The following ARHGEF12 variants were observed in gnomAD, a reference collection of about 807,000 sequenced individuals.
ARHGEF12 encodes the protein KMT2A/ARHGEF12 fusion protein.
ARHGEF12 carries 66 observed loss-of-function variants against 211.2 expected under a neutral mutation model. That is an observed-to-expected ratio of 0.31 (90% confidence interval 0.26 to 0.38). The LOEUF (loss-of-function observed/expected upper bound fraction) is 0.38, where lower values mean the gene tolerates loss of function less well. Ranked by LOEUF, ARHGEF12 falls within the 10% of genes least tolerant of loss-of-function variation. ARHGEF12 has a pLI of 1.00. For synonymous variants in ARHGEF12, 592 were observed against 638.4 expected (o/e 0.93, Z 1.09); for missense variants, 1,429 against 1,869.5 (o/e 0.76, Z 4.34).
At chr11:120,337,892 A>G (rs1942405317) in intron 1 of ARHGEF12, 1 of 985,286 alleles carries the variant, frequency 1.0e-6, no homozygotes, top group Admixed American at 6.1e-5. Flanking sequence ...GTTTGCTTTT[A>G]ATTCTTGTAT....
At position 120,485,273 on chromosome 11, in the gene ARHGEF12, T is replaced by TTA; in HGVS notation, c.*196_*197insTA. The TTA allele has an allele frequency of 1.8e-6, 1 of 570,442 alleles. No individual in the cohort carries two copies. Among genetic ancestry groups the TTA allele is most frequent in the Non-Finnish European group, 3.1e-6 (1 of 319,262 alleles). The allele number at this position is 570,442 out of a possible 1,614,324, so 35.3% of individuals were successfully genotyped here. ...AGTGTGGCAGCTGCACTAATCTGTTTGTGAGGGAATATCCATTCCCTCACT... is the reference window on the plus strand; with the variant it reads ...AGTGTGGCAGCTGCACTAATCTGTTTTAGTGAGGGAATATCCATTCCCTCACT... On this transcript the variant is annotated 3_prime_UTR_variant, in exon 41 of 41. Coordinates refer to ENST00000397843, the MANE Select transcript of ARHGEF12 (RefSeq NM_015313.3).
chr11:120,472,564 G>A (rs1436171274), intron 30 of ARHGEF12, among the ~76,000 whole-genome samples: 2 of 152,154 alleles, frequency 1.3e-5, no homozygotes, highest in African/African-American at 4.8e-5. Context: ...CAAAGAGGCA[G>A]GAGGAAAACT....
intron 1 of ARHGEF12, among the ~76,000 whole-genome samples, chr11:120,377,906 A>G (rs1943774975): frequency 6.6e-6 from 1 of 152,020 alleles, no homozygotes; most frequent in Non-Finnish European, 1.5e-5. Flanking sequence ...GTCATATGGT[A>G]AATATATATT....
Position 120,457,232 on chromosome 11 carries a change from A to G in ARHGEF12, c.2171A>G (p.Glu724Gly), listed in dbSNP as rs905751177. Reference protein sequence around the residue: ...PPPPLDQVQEEECEVERVTEH... With the variant: ...PPPPLDQVQEGECEVERVTEH... Reference sequence around the variant, plus strand: ...CCTCCATTAGACCAAGTGCAGGAGGAGGAATGTGAAGTAGAAAGGTAATTC... The same window carrying G: ...CCTCCATTAGACCAAGTGCAGGAGGGGGAATGTGAAGTAGAAAGGTAATTC... Residue 724 changes from glutamate to glycine, a missense_variant, in exon 23 of 41, where the codon GAG becomes GGG. This residue lies in a region of ARHGEF12 where 373 missense variants were observed against 467.5 expected (regional missense o/e 0.80). Coordinates refer to ENST00000397843, the MANE Select transcript of ARHGEF12 (RefSeq NM_015313.3). The G allele has an allele frequency of 1.4e-5, 22 of 1,614,004 alleles. No individual in the cohort carries two copies. The highest frequency in any genetic ancestry group is 1.8e-5 in the Non-Finnish European group (21 of 1,179,924).
chr11:120,441,455 T>A (rs1444084722), intron 13 of ARHGEF12, among the ~76,000 whole-genome samples: 2 of 152,132 alleles, frequency 1.3e-5, no homozygotes, highest in African/African-American at 2.4e-5. Context: ...CCGAGCTACT[T>A]GATAATCGTC....
Position 120,420,863 on chromosome 11 carries a change from T to TA in ARHGEF12, c.298+18dup. 1.9e-6 allele frequency: 3 copies of TA among 1,606,432 alleles called. No individual in the cohort carries two copies. The South Asian group carries it at 3.3e-5, about 18-fold the overall frequency. ...GTCTGTCAAAGAAGGCAAGGCATTT[T>TA]AAAAAACAATTTATCACTCAGTAAA... is the stretch of plus-strand genomic sequence containing the variant. On this transcript the variant is annotated intron_variant, in intron 5 of 40. Transcript: ENST00000397843.
At position 120,448,083 on chromosome 11, in the gene ARHGEF12, C is replaced by T. The variant is rs1946098246; in HGVS notation, c.1623-151C>T. 4.0e-6 allele frequency: 3 copies of T among 746,272 alleles called. No homozygotes were observed. The East Asian group carries it at 8.1e-5, about 20-fold the overall frequency. The allele number at this position is 746,272 out of a possible 1,614,324, so 46.2% of individuals were successfully genotyped here. A position where few individuals can be genotyped will look rare whatever the true frequency, so the allele number is the denominator to read the frequency against. On this transcript the variant is annotated intron_variant, in intron 19 of 40. Transcript: ENST00000397843. Reference sequence around the variant, plus strand: ...CTACTGTTGTCCTGAGTAGAATTCTCTTCTCTGTGCAATGACTAGTTAGTT... The same window carrying T: ...CTACTGTTGTCCTGAGTAGAATTCTTTTCTCTGTGCAATGACTAGTTAGTT...
intron 1 of ARHGEF12, among the ~76,000 whole-genome samples, chr11:120,361,620 C>A (rs1028753598): frequency 6.6e-6 from 1 of 152,188 alleles, no homozygotes; most frequent in Non-Finnish European, 1.5e-5. Context: ...TTTCAAGCAT[C>A]TTTTACAATT....
intron 1 of ARHGEF12, among the ~76,000 whole-genome samples, chr11:120,373,701 C>T (rs2135420315): frequency 6.6e-6 from 1 of 151,944 alleles, no homozygotes; most frequent in South Asian, 2.1e-4. Flanking sequence ...TTTCCCCCTT[C>T]TATGTTTTTT....
chr11:120,458,516 A>C (rs940127774), intron 25 of ARHGEF12: 8 of 314,290 alleles, frequency 2.5e-5, no homozygotes, highest in African/African-American at 1.8e-4. Context: ...CAACTAAGTT[A>C]TTTTTATGCA....
At chr11:120,473,768 T>C (rs1251016463) in intron 31 of ARHGEF12, among the ~76,000 whole-genome samples, 1 of 152,230 alleles carries the variant, frequency 6.6e-6, no homozygotes, top group Non-Finnish European at 1.5e-5. Flanking sequence ...CAAGATAGCA[T>C]ACTATTTTCT....
chr11:120,384,251 CTG>C (rs1283571469), intron 1 of ARHGEF12, among the ~76,000 whole-genome samples: 1 of 152,178 alleles, frequency 6.6e-6, no homozygotes, highest in Non-Finnish European at 1.5e-5. Context: ...AGATCACTAA[CTG>C]TAGTTTTGAG....
At chr11:120,363,658 A>G (rs1426017299) in intron 1 of ARHGEF12, among the ~76,000 whole-genome samples, 1 of 152,236 alleles carries the variant, frequency 6.6e-6, no homozygotes, top group Non-Finnish European at 1.5e-5. Flanking sequence ...AACCAGCAAG[A>G]TAATGTCAAG....
intron 11 of ARHGEF12, among the ~76,000 whole-genome samples, chr11:120,435,095 G>T (rs1945654955): frequency 6.6e-6 from 1 of 151,952 alleles, no homozygotes; most frequent in South Asian, 2.1e-4. Flanking sequence ...TCTTTTTACA[G>T]TTTATTTGAT....
intron 1 of ARHGEF12, among the ~76,000 whole-genome samples, chr11:120,376,480 T>C (rs550003616): frequency 2.9e-4 from 44 of 152,274 alleles, no homozygotes; most frequent in African/African-American, 1.0e-3. Flanking sequence ...GACTGAGATA[T>C]AATTTACATA....
Position 120,486,368 on chromosome 11 carries a change from G to A in ARHGEF12, c.*1291G>A, listed in dbSNP as rs981543387. 8.6e-6 allele frequency: 2 copies of A among 232,758 alleles called. No homozygotes were observed. The highest frequency in any genetic ancestry group is 1.7e-5 in the Non-Finnish European group (2 of 117,606). The allele number at this position is 232,758 out of a possible 1,614,324, so 14.4% of individuals were successfully genotyped here. ...TTCACTGCCGCAGCTCTTTCCACAC[G>A]GGGCCGTGATTGACCCTAAAAATTG... On this transcript the variant is annotated 3_prime_UTR_variant, in exon 41 of 41. Transcript: ENST00000397843.
chr11:120,476,545 T>G, intron 33 of ARHGEF12, 116 bp from the exon 34 acceptor site: 1 of 551,836 alleles, frequency 1.8e-6, no homozygotes, highest in Non-Finnish European at 3.0e-6. Flanking sequence ...AATTTTAAAG[T>G]AAATATATGT....
rs540265080 is a variant in ARHGEF12, at chr11:120,476,813, A to G, written c.3365+65A>G. 9 of 1,305,128 alleles carry G rather than the reference A, an allele frequency of 6.9e-6. No individual in the cohort carries two copies. The East Asian group carries it at 7.0e-5, about 10-fold the overall frequency. The allele number at this position is 1,305,128 out of a possible 1,614,324, so 80.8% of individuals were successfully genotyped here. A position where few individuals can be genotyped will look rare whatever the true frequency, so the allele number is the denominator to read the frequency against. On this transcript the variant is annotated intron_variant, in intron 34 of 40. Coordinates refer to ENST00000397843, the MANE Select transcript of ARHGEF12 (RefSeq NM_015313.3). ...TTCATTATCCCAAGCGTAATATTCCATAAACTTAACTTTGTTTTTATAATG... is the reference window on the plus strand; with the variant it reads ...TTCATTATCCCAAGCGTAATATTCCGTAAACTTAACTTTGTTTTTATAATG...
chr11:120,407,494 T>A (rs1235360060), intron 2 of ARHGEF12, among the ~76,000 whole-genome samples: 1 of 152,230 alleles, frequency 6.6e-6, no homozygotes, highest in Non-Finnish European at 1.5e-5. Flanking sequence ...CAGTTACTTC[T>A]GAGAATAAAA....
Sources: gnomAD v4.1 joint callset for allele counts (sites outside exome capture counted in the v4.1 genomes callset) on GRCh38, gnomAD v4.1.1 for gene constraint, gnomAD v4.1.1 regional missense constraint, MANE v1.5 for transcripts, NCBI Gene and HGNC (gene_info 2026-07-23, HGNC 2026-07-21) for gene names.